The following ATP9A variants were observed in gnomAD, a reference collection of about 807,000 sequenced individuals.
ATP9A encodes probable phospholipid-transporting ATPase IIA.
A neutral mutation model predicts 144.1 loss-of-function variants in ATP9A; 52 were observed. That is an observed-to-expected ratio of 0.36 (90% CI 0.29 to 0.45). The LOEUF (loss-of-function observed/expected upper bound fraction) is 0.45, where lower values mean the gene tolerates loss of function less well. ATP9A is among the 20% of genes least tolerant of loss of function. The pLI, the probability that ATP9A is intolerant of heterozygous loss-of-function variation, is 1.00. For synonymous variants in ATP9A, 582 were observed against 557.4 expected, an observed-to-expected ratio of 1.04 and a Z score of -0.62; for missense variants, 947 against 1,392.7, an observed-to-expected ratio of 0.68 and a Z score of 5.09.
intron 22 of ATP9A, among the ~76,000 whole-genome samples, chr20:51,615,444 AGT>A (rs1480941147): frequency 2.1e-5 from 3 of 144,502 alleles, no homozygotes; most frequent in East Asian, 1.9e-4. Flanking sequence ...CAAAATGTAC[AGT>A]GTGTTTTCAA....
intron 3 of ATP9A, among the ~76,000 whole-genome samples, chr20:51,720,407 A>C (rs541298830): frequency 3.8e-4 from 58 of 152,332 alleles, no homozygotes; most frequent in African/African-American, 1.3e-3. Context: ...TAGAGTTTGT[A>C]ACTCTTGGGT....
chr20:51,690,375 G>C (rs1171436491), intron 8 of ATP9A, among the ~76,000 whole-genome samples: 4 of 152,182 alleles, frequency 2.6e-5, no homozygotes, highest in Admixed American at 2.0e-4. Context: ...AGCCGAGATG[G>C]TGCCACTGGA....
chr20:51,665,719 C>T (rs969910030), intron 13 of ATP9A, among the ~76,000 whole-genome samples: 1 of 145,072 alleles, frequency 6.9e-6, no homozygotes, highest in Non-Finnish European at 1.5e-5. Flanking sequence ...AGTGAGACTT[C>T]GTCTCAAAAA....
chr20:51,758,522 T>C (rs1175717634), intron 1 of ATP9A, among the ~76,000 whole-genome samples: 1 of 152,186 alleles, frequency 6.6e-6, no homozygotes, highest in African/African-American at 2.4e-5. Flanking sequence ...TGCCTCCTTT[T>C]TCCAACTTAT....
At chr20:51,642,092 C>T (rs774971717) in intron 14 of ATP9A, among the ~76,000 whole-genome samples, 1 of 152,008 alleles carries the variant, frequency 6.6e-6, no homozygotes, top group Non-Finnish European at 1.5e-5. Flanking sequence ...TGGAAGCCCT[C>T]CTGTATTCCT....
intron 14 of ATP9A, among the ~76,000 whole-genome samples, chr20:51,645,208 G>T (rs571951184): frequency 4.6e-5 from 7 of 152,224 alleles, no homozygotes; most frequent in African/African-American, 1.2e-4. Flanking sequence ...CCACCCCTGG[G>T]ATCCACCATC....
chr20:51,659,950 G>A (rs533229577), intron 13 of ATP9A, among the ~76,000 whole-genome samples: 2 of 152,296 alleles, frequency 1.3e-5, no homozygotes, highest in Non-Finnish European at 2.9e-5. Context: ...TTAGAGTAAT[G>A]AATCAGAACT....
At chr20:51,676,901 C>A (rs2077479512) in intron 9 of ATP9A, among the ~76,000 whole-genome samples, 1 of 149,884 alleles carries the variant, frequency 6.7e-6, no homozygotes, top group Admixed American at 6.6e-5. Flanking sequence ...CAGGCATGAG[C>A]CACCACGCCC....
At chr20:51,720,083 T>C (rs2077682302) in intron 3 of ATP9A, among the ~76,000 whole-genome samples, 1 of 152,174 alleles carries the variant, frequency 6.6e-6, no homozygotes, top group African/African-American at 2.4e-5. Context: ...TGTAAGAATT[T>C]TTATTCATTG....
chr20:51,628,821 A>G (rs927396005), intron 16 of ATP9A, among the ~76,000 whole-genome samples, 159 bp downstream of exon 16: 1 of 152,178 alleles, frequency 6.6e-6, no homozygotes, highest in African/African-American at 2.4e-5. Flanking sequence ...CACAGAAACC[A>G]TTATATATTA....
rs113342778 is a variant in ATP9A, at chr20:51,756,193, T to C, written c.68+12109A>G. 8.6e-3 allele frequency among the ~76,000 whole-genome samples: 1,314 copies of C among 151,998 alleles called. 21 individuals are homozygous for C. Among genetic ancestry groups the C allele is most frequent in the African/African-American group, 0.029 (1,182 of 41,450 alleles). The stretch of plus-strand genomic sequence containing the variant: ...AAGAACAAGGTGTCAGCAGGGTTGG[T>C]TTCTCCTGAGGCCTCTCTCCTTGGC... On this transcript the variant is annotated intron_variant, in intron 1 of 27. Coordinates refer to ENST00000338821, the MANE Select transcript of ATP9A (RefSeq NM_006045.3).
chr20:51,737,295 C>G (rs1398761074), intron 1 of ATP9A, among the ~76,000 whole-genome samples: 1 of 152,212 alleles, frequency 6.6e-6, no homozygotes, highest in Non-Finnish European at 1.5e-5. Flanking sequence ...TCGGTCCATG[C>G]AGGAGCTCTC....
intron 14 of ATP9A, among the ~76,000 whole-genome samples, chr20:51,653,368 C>T (rs754682041): frequency 4.3e-4 from 66 of 152,046 alleles, no homozygotes; most frequent in Non-Finnish European, 7.6e-4. Context: ...AAAACAAATA[C>T]ACCAAAGTCC....
intron 3 of ATP9A, among the ~76,000 whole-genome samples, chr20:51,716,838 G>C (rs1278039256): frequency 6.6e-6 from 1 of 152,096 alleles, no homozygotes; most frequent in African/African-American, 2.4e-5. Flanking sequence ...TTTTACAGAT[G>C]ACAAAACTGA....
intron 3 of ATP9A, among the ~76,000 whole-genome samples, chr20:51,719,166 G>A (rs897290378): frequency 6.6e-6 from 1 of 151,784 alleles, no homozygotes; most frequent in African/African-American, 2.4e-5. Flanking sequence ...TTGAGAGATG[G>A]GGTCTGGAGC....
At position 51,730,618 on chromosome 20, in the gene ATP9A, C is replaced by G. The variant is rs1227281616; in HGVS notation, c.69-640G>C. Among the ~76,000 whole-genome samples the G allele has an allele frequency of 2.6e-5, 4 of 152,230 alleles. No homozygotes were observed. In the East Asian group the frequency reaches 7.7e-4, roughly 29 times the overall value. On this transcript the variant is annotated intron_variant, in intron 1 of 27. Coordinates refer to ENST00000338821, the MANE Select transcript of ATP9A (RefSeq NM_006045.3). ...AACATTCTAGAGTGACTTACACAAC[C>G]TGGCTGCCATCACCTGCTATGCACT...
At chr20:51,684,235 G>C (rs142393454) in intron 9 of ATP9A, among the ~76,000 whole-genome samples, 50 of 152,072 alleles carry the variant, frequency 3.3e-4, no homozygotes, top group African/African-American at 1.2e-3. Flanking sequence ...GCAAACTTTA[G>C]TTCCAAAAAA....
chr20:51,751,955 C>T (rs749912344), intron 1 of ATP9A, among the ~76,000 whole-genome samples: 1 of 152,132 alleles, frequency 6.6e-6, no homozygotes, highest in Non-Finnish European at 1.5e-5. Flanking sequence ...CTACTAGGTG[C>T]CAGCCTTTGT....
intron 3 of ATP9A, among the ~76,000 whole-genome samples, chr20:51,723,225 T>G (rs2077697174): frequency 6.6e-6 from 1 of 152,054 alleles, no homozygotes; most frequent in Non-Finnish European, 1.5e-5. Context: ...ATAAGAATGA[T>G]GCAATGGACT....
Sources: gnomAD v4.1 joint callset for allele counts (sites outside exome capture counted in the v4.1 genomes callset) on GRCh38, gnomAD v4.1.1 for gene constraint, MANE v1.5 for transcripts, NCBI Gene and HGNC (gene_info 2026-07-23, HGNC 2026-07-21) for gene names.